ZNF407: variants seen among roughly 807,000 people sequenced by gnomAD.
The protein encoded by ZNF407 is zinc finger protein 407.
In ZNF407, 17 loss-of-function variants were observed where a neutral mutation model predicts 131.2. That is an observed-to-expected ratio of 0.13 (90% CI 0.09 to 0.19). ZNF407 has a LOEUF of 0.19. ZNF407 is among the 10% of genes least tolerant of loss of function. ZNF407 has a pLI of 1.00. For missense variants in ZNF407, 2,681 were observed against 2,830.6 expected (o/e 0.95, Z 1.20); for synonymous variants, 1,156 against 1,062.0 (o/e 1.09, Z -1.72).
intron 8 of ZNF407, among the ~76,000 whole-genome samples, chr18:74,955,864 CCTGT>C (rs1228921506): frequency 1.3e-5 from 2 of 152,194 alleles, no homozygotes; most frequent in African/African-American, 4.8e-5. Flanking sequence ...TGCACGTGTT[CCTGT>C]CTGTCTGTGC....
intron 1 of ZNF407, among the ~76,000 whole-genome samples, chr18:74,627,816 GC>G (rs1178371773): frequency 1.4e-5 from 2 of 142,066 alleles, no homozygotes; most frequent in Non-Finnish European, 3.1e-5. Context: ...CTCTCTTTCT[GC>G]CCTGCCCTGC....
intron 3 of ZNF407, among the ~76,000 whole-genome samples, chr18:74,694,969 T>C (rs117147525): frequency 0.01 from 1,540 of 152,326 alleles, 19 homozygotes; most frequent in South Asian, 0.025. Flanking sequence ...ATTATTGTTA[T>C]TCTCACTTTA....
chr18:74,935,057 T>C (rs992818343), intron 8 of ZNF407, among the ~76,000 whole-genome samples: 1 of 152,218 alleles, frequency 6.6e-6, no homozygotes, highest in African/African-American at 2.4e-5. Context: ...CCTCGATTCT[T>C]GGCACAACTT....
chr18:74,819,151 G>A (rs1408880975), intron 4 of ZNF407, among the ~76,000 whole-genome samples: 1 of 152,080 alleles, frequency 6.6e-6, no homozygotes, highest in Non-Finnish European at 1.5e-5. Context: ...AAACTGTAGG[G>A]AGTTTACTAT....
At chr18:74,725,908 A>T (rs916274567) in intron 3 of ZNF407, among the ~76,000 whole-genome samples, 6 of 152,202 alleles carry the variant, frequency 3.9e-5, no homozygotes, top group Non-Finnish European at 7.3e-5. Flanking sequence ...GCCTATCGAC[A>T]TCCTTATTGG....
chr18:74,778,291 T>G (rs1440121309), intron 3 of ZNF407, among the ~76,000 whole-genome samples: 1 of 152,164 alleles, frequency 6.6e-6, no homozygotes, highest in Non-Finnish European at 1.5e-5. Flanking sequence ...GGTCTGTGGT[T>G]GTGCTCTCTC....
At chr18:74,727,132 G>T (rs977904014) in intron 3 of ZNF407, among the ~76,000 whole-genome samples, 3 of 152,136 alleles carry the variant, frequency 2.0e-5, no homozygotes, top group African/African-American at 7.2e-5. Flanking sequence ...TGTGGTTTTT[G>T]ATTTTCTTGA....
In ZNF407 at chr18:74,910,742, T is replaced by C. The variant is rs533186310; in HGVS notation, c.5250-9772T>C. Among the ~76,000 whole-genome samples, 29 of 152,326 alleles carry C rather than the reference T, an allele frequency of 1.9e-4. No individual in the cohort carries two copies. The South Asian group carries it at 6.0e-3, about 32-fold the overall frequency. The stretch of plus-strand genomic sequence containing the variant: ...ATGATTAGAGTTTCATTAAGTATAA[T>C]AATTTTCAAAAATGCAGTGCTTCAC... On this transcript the variant is annotated intron_variant, in intron 7 of 8. Transcript: ENST00000299687.
chr18:75,065,544 C>A lies in ZNF407; in HGVS notation c.*1076C>A, dbSNP rs1973703059. The A allele has an allele frequency of 6.6e-6, 1 of 152,252 alleles. No homozygotes were observed. The highest frequency in any genetic ancestry group is 2.4e-5 in the African/African-American group (1 of 41,460). The allele number at this position is 152,252 out of a possible 1,614,324, so 9.4% of individuals were successfully genotyped here. A position where few individuals can be genotyped will look rare whatever the true frequency, so the allele number is the denominator to read the frequency against. On this transcript the variant is annotated 3_prime_UTR_variant, in exon 9 of 9. Transcript: ENST00000299687. ...GTCGGATGCGAGTTTCTGTCATAAT[C>A]ATTTGTTTCCTGATACAATTGTTCT...
intron 8 of ZNF407, among the ~76,000 whole-genome samples, chr18:75,043,859 A>G (rs1225748593): frequency 6.6e-6 from 1 of 152,196 alleles, no homozygotes; most frequent in African/African-American, 2.4e-5. Context: ...ATTGGCAGGT[A>G]TCCGGATATA....
Position 74,672,428 on chromosome 18 carries a change from G to A in ZNF407, c.4802+31306G>A, listed in dbSNP as rs373309153. On this transcript the variant is annotated intron_variant, in intron 3 of 8. Transcript: ENST00000299687. ...TTGTTTGTTGGAGCACTGTTTGTCC[G>A]TTGGAGCACTGTTTGTCTGTTCATT... 8.8e-4 allele frequency among the ~76,000 whole-genome samples: 34 copies of A among 38,432 alleles called. No homozygotes were observed. The South Asian group carries it at 0.019, about 21-fold the overall frequency. 25.2% of individuals were successfully genotyped at this position (38,432 alleles called of 152,430 possible).
intron 5 of ZNF407, among the ~76,000 whole-genome samples, chr18:74,878,073 T>G (rs1971184401): frequency 1.3e-5 from 2 of 152,178 alleles, no homozygotes; most frequent in Admixed American, 1.3e-4. Context: ...GTGCCAGAAC[T>G]CTCAGTTGGG....
At chr18:74,627,778 TTCTCTCTC>T (rs35067719) in intron 1 of ZNF407, among the ~76,000 whole-genome samples, 2 of 132,586 alleles carry the variant, frequency 1.5e-5, no homozygotes, top group East Asian at 2.0e-4. Context: ...TTTTCTCTCT[TTCTCTCTC>T]TCTCTCTCTT....
chr18:74,680,400 T>TAA (rs11404762), intron 3 of ZNF407, among the ~76,000 whole-genome samples: 3,420 of 137,548 alleles, frequency 0.025, 60 homozygotes, highest in Middle Eastern at 0.044. Context: ...GACCTTGCCT[T>TAA]AAAAAAAAAA....
chr18:74,699,209 A>T (rs1480145149), intron 3 of ZNF407, among the ~76,000 whole-genome samples: 1 of 152,188 alleles, frequency 6.6e-6, no homozygotes, highest in African/African-American at 2.4e-5. Context: ...CATTGCAAAG[A>T]TAAGATCTGC....
At chr18:75,044,106 T>C (rs1290838654) in intron 8 of ZNF407, among the ~76,000 whole-genome samples, 2 of 152,154 alleles carry the variant, frequency 1.3e-5, no homozygotes, top group Non-Finnish European at 2.9e-5. Context: ...ACTGAAAACC[T>C]CTGGAAGTGA....
chr18:74,783,998 A>C (rs1969658327), intron 4 of ZNF407, among the ~76,000 whole-genome samples: 1 of 152,182 alleles, frequency 6.6e-6, no homozygotes, highest in Non-Finnish European at 1.5e-5. Flanking sequence ...CCAAGATTTC[A>C]ATGGTATAAT....
chr18:74,625,022 C>A (rs1983725095), intron 1 of ZNF407, among the ~76,000 whole-genome samples: 1 of 152,138 alleles, frequency 6.6e-6, no homozygotes. Flanking sequence ...GTCATGTGGC[C>A]CCCACAGAAT....
At chr18:74,775,418 T>C (rs1969448149) in intron 3 of ZNF407, among the ~76,000 whole-genome samples, 1 of 152,254 alleles carries the variant, frequency 6.6e-6, no homozygotes, top group Non-Finnish European at 1.5e-5. Flanking sequence ...TATTCGTGAC[T>C]GTTTCTTGGA....
Sources: gnomAD v4.1 joint callset for allele counts (sites outside exome capture counted in the v4.1 genomes callset) on GRCh38, gnomAD v4.1.1 for gene constraint, MANE v1.5 for transcripts, NCBI Gene and HGNC (gene_info 2026-07-23, HGNC 2026-07-21) for gene names.